Variants in ZNF804B observed in about 807,000 individuals in gnomAD.
ZNF804B encodes zinc finger 804B.
Under a neutral mutation model 101.4 loss-of-function variants are expected in ZNF804B, and 80 were observed. That is an observed-to-expected ratio of 0.79 (90% CI 0.66 to 0.95). The LOEUF (loss-of-function observed/expected upper bound fraction) is 0.95. Among genes scored for constraint, ZNF804B ranks in the 40% least tolerant of loss-of-function variants. The pLI is 0.00. For synonymous variants in ZNF804B, 622 were observed against 558.8 expected (o/e 1.11, Z -1.59); for missense variants, 1,673 against 1,561.9 (o/e 1.07, Z -1.20).
chr7:89,182,697 A>G (rs553633743), intron 1 of ZNF804B, among the ~76,000 whole-genome samples: 12 of 152,288 alleles, frequency 7.9e-5, no homozygotes, highest in African/African-American at 2.4e-4. Context: ...TGGTTATGGA[A>G]AATTATTATT....
In ZNF804B at chr7:88,794,640, C is replaced by T. The variant is rs1790446697; in HGVS notation, c.108+34556C>T. ...CTTTGTAGAGAGTGTCGCTGGAGGACTCGAGGATATGCAGAATGGAAGTGG... is the reference window on the plus strand; with the variant it reads ...CTTTGTAGAGAGTGTCGCTGGAGGATTCGAGGATATGCAGAATGGAAGTGG... On this transcript the variant is annotated intron_variant, in intron 1 of 3. Coordinates refer to ENST00000333190, the MANE Select transcript of ZNF804B (RefSeq NM_181646.5). 7 of 1,613,748 alleles carry T rather than the reference C, an allele frequency of 4.3e-6. 1 individual carries two copies. Among genetic ancestry groups the T allele is most frequent in the South Asian group, 3.3e-5 (3 of 91,082 alleles).
intron 1 of ZNF804B, among the ~76,000 whole-genome samples, chr7:89,197,368 G>T (rs542788071): frequency 1.3e-5 from 2 of 151,950 alleles, no homozygotes; most frequent in South Asian, 4.1e-4. Flanking sequence ...CTGACAGGAA[G>T]AAAATAAAAA....
chr7:89,211,039 C>T (rs951500138), intron 1 of ZNF804B, among the ~76,000 whole-genome samples: 3 of 152,202 alleles, frequency 2.0e-5, no homozygotes, highest in African/African-American at 7.2e-5. Context: ...TCCATTCTGA[C>T]TGGTGAGAGA....
intron 2 of ZNF804B, among the ~76,000 whole-genome samples, chr7:89,281,151 A>G (rs532178603): frequency 6.6e-6 from 1 of 152,296 alleles, no homozygotes; most frequent in Admixed American, 6.5e-5. Flanking sequence ...TTCTTCTTTA[A>G]GACCTGTATA....
chr7:89,224,975 C>T (rs1789064237), intron 2 of ZNF804B, among the ~76,000 whole-genome samples: 1 of 152,014 alleles, frequency 6.6e-6, no homozygotes, highest in Admixed American at 6.6e-5. Context: ...TTCTGACTTC[C>T]AGATATATCA....
At chr7:88,826,879 A>G (rs1583961112) in intron 1 of ZNF804B, among the ~76,000 whole-genome samples, 1 of 152,146 alleles carries the variant, frequency 6.6e-6, no homozygotes, top group Non-Finnish European at 1.5e-5. Context: ...CAGAAGATTT[A>G]TATGGATAAT....
intron 1 of ZNF804B, among the ~76,000 whole-genome samples, chr7:88,834,651 G>T (rs1374921787): frequency 7.6e-6 from 1 of 131,624 alleles, no homozygotes; most frequent in African/African-American, 3.0e-5. Context: ...CGCTCACTTT[G>T]TGTATATATT....
At chr7:89,114,716 C>T (rs1790281760) in intron 1 of ZNF804B, among the ~76,000 whole-genome samples, 1 of 152,126 alleles carries the variant, frequency 6.6e-6, no homozygotes, top group Non-Finnish European at 1.5e-5. Context: ...ATTTTAACTG[C>T]ATAATCATTC....
chr7:89,170,082 G>C (rs776336678), intron 1 of ZNF804B, among the ~76,000 whole-genome samples: 1 of 152,200 alleles, frequency 6.6e-6, no homozygotes, highest in Non-Finnish European at 1.5e-5. Context: ...AGACTGTGCA[G>C]ATCTGTGGAA....
intron 2 of ZNF804B, among the ~76,000 whole-genome samples, chr7:89,296,647 GT>G (rs1790388658): frequency 6.6e-6 from 1 of 152,018 alleles, no homozygotes; most frequent in Non-Finnish European, 1.5e-5. Flanking sequence ...TTGAATTGTT[GT>G]GTGTAGTAGA....
rs1788856592 is a variant in ZNF804B, at chr7:89,214,469, A to G, written c.109-3686A>G. Among the ~76,000 whole-genome samples, 6 of 152,176 alleles carry G rather than the reference A, an allele frequency of 3.9e-5. No homozygotes were observed. The South Asian group carries it at 1.2e-3, about 32-fold the overall frequency. ...GGTCATCATTTTTTACTCCTTTCAT[A>G]TATGACACTTCATCTCTAAATATAT... On this transcript the variant is annotated intron_variant, in intron 1 of 3. Transcript: ENST00000333190.
intron 2 of ZNF804B, among the ~76,000 whole-genome samples, chr7:89,296,006 G>T (rs996065548): frequency 2.0e-5 from 3 of 151,972 alleles, no homozygotes; most frequent in Non-Finnish European, 4.4e-5. Context: ...GAAGGAGTAG[G>T]GTGGAAGAGG....
At chr7:88,902,095 G>A (rs1475793229) in intron 1 of ZNF804B, among the ~76,000 whole-genome samples, 2 of 151,806 alleles carry the variant, frequency 1.3e-5, no homozygotes, top group African/African-American at 2.4e-5. Flanking sequence ...TTTTGATTTA[G>A]CTCTAAACCC....
intron 1 of ZNF804B, among the ~76,000 whole-genome samples, chr7:89,143,558 A>G (rs1005343699): frequency 1.3e-5 from 2 of 152,038 alleles, no homozygotes; most frequent in African/African-American, 4.8e-5. Flanking sequence ...AAAATGAATT[A>G]TCTATTTGTA....
intron 1 of ZNF804B, among the ~76,000 whole-genome samples, chr7:89,026,165 C>A (rs1474130690): frequency 3.3e-5 from 5 of 152,124 alleles, no homozygotes; most frequent in Admixed American, 3.3e-4. Context: ...AATATGTCCT[C>A]AGGAAGCTAC....
chr7:89,153,752 T>G, intron 1 of ZNF804B, among the ~76,000 whole-genome samples: 1 of 152,120 alleles, frequency 6.6e-6, no homozygotes, highest in East Asian at 1.9e-4. Flanking sequence ...ATCTCTCCTC[T>G]GAGACTGTTC....
intron 1 of ZNF804B, among the ~76,000 whole-genome samples, chr7:89,142,496 CT>C (rs1195006132): frequency 6.6e-6 from 1 of 151,958 alleles, no homozygotes; most frequent in Non-Finnish European, 1.5e-5. Context: ...TGACTTCCTC[CT>C]CTTGGTATCC....
In ZNF804B at chr7:89,276,345, C is replaced by T. The variant is rs1789980639; in HGVS notation, c.250-50999C>T. On this transcript the variant is annotated intron_variant, in intron 2 of 3. Coordinates refer to ENST00000333190, the MANE Select transcript of ZNF804B (RefSeq NM_181646.5). ...CTTAAAATAAAAATTACTCCATGTG[C>T]AGTTATATAGGTAAAAGACCCCTTG... Among the ~76,000 whole-genome samples the T allele has an allele frequency of 2.6e-5, 4 of 151,644 alleles. No individual in the cohort carries two copies. The South Asian group carries it at 8.3e-4, about 31-fold the overall frequency.
chr7:89,037,517 A>G (rs1459294733), intron 1 of ZNF804B, among the ~76,000 whole-genome samples: 1 of 151,660 alleles, frequency 6.6e-6, no homozygotes, highest in Non-Finnish European at 1.5e-5. Context: ...TTGACCTATA[A>G]TTGACAAATG....
Sources: allele counts gnomAD v4.1 joint callset (sites outside exome capture counted in the v4.1 genomes callset), GRCh38; gene constraint gnomAD v4.1.1; transcripts MANE v1.5; gene names NCBI Gene and HGNC (gene_info 2026-07-23, HGNC 2026-07-21).